Variants in SYT1 observed in about 807,000 individuals in gnomAD.
SYT1 encodes the protein synaptotagmin-1.
Under a neutral mutation model 44.8 loss-of-function variants are expected in SYT1, and 8 were observed. The ratio of observed to expected loss-of-function variants is 0.18; its 90% CI spans 0.10 to 0.32. The LOEUF is 0.32. SYT1 is among the 10% of genes least tolerant of loss of function. SYT1 has a pLI of 1.00. For missense variants in SYT1, 286 were observed against 509.3 expected, an observed-to-expected ratio of 0.56 and a Z score of 4.22; for synonymous variants, 154 against 188.8, an observed-to-expected ratio of 0.82 and a Z score of 1.51.
chr12:79,120,884 G>A (rs191592057), intron 3 of SYT1, among the ~76,000 whole-genome samples: 78 of 151,376 alleles, frequency 5.2e-4, no homozygotes, highest in African/African-American at 1.7e-3. Flanking sequence ...AACCCAAGGT[G>A]CCTGACCTTG....
chr12:79,064,970 A>AAGAAAGAAAG (rs1555194754), intron 3 of SYT1, among the ~76,000 whole-genome samples: 7 of 150,624 alleles, frequency 4.6e-5, no homozygotes, highest in African/African-American at 1.7e-4. Context: ...GAAAGAAAGA[A>AAGAAAGAAAG]AGAAAGAAAG....
intron 1 of SYT1, among the ~76,000 whole-genome samples, chr12:78,903,751 G>A (rs1875799096): frequency 6.6e-6 from 1 of 151,884 alleles, no homozygotes. Flanking sequence ...ACAATATTCT[G>A]AATATTTAAT....
chr12:79,418,039 C>T (rs749401256), intron 9 of SYT1, among the ~76,000 whole-genome samples: 2 of 152,138 alleles, frequency 1.3e-5, no homozygotes, highest in African/African-American at 4.8e-5. Context: ...CTGATCTACA[C>T]AAAGCGTCCT....
chr12:79,398,690 A>G (rs1292151280), intron 9 of SYT1, among the ~76,000 whole-genome samples: 1 of 152,234 alleles, frequency 6.6e-6, no homozygotes, highest in Non-Finnish European at 1.5e-5. Context: ...AACAGTAGAC[A>G]TGTATCAAAA....
At chr12:79,419,910 TATTTTGTGC>T (rs1437280060) in intron 9 of SYT1, among the ~76,000 whole-genome samples, 1 of 152,150 alleles carries the variant, frequency 6.6e-6, no homozygotes, top group Middle Eastern at 3.2e-3. Context: ...TTACTGTATG[TATTTTGTGC>T]ATTTTCAAGC....
chr12:79,330,228 T>G (rs1297750133), intron 8 of SYT1, among the ~76,000 whole-genome samples: 4 of 152,210 alleles, frequency 2.6e-5, no homozygotes, highest in Admixed American at 2.0e-4. Context: ...GCCTGCTGTT[T>G]CCTGTGCATT....
intron 3 of SYT1, among the ~76,000 whole-genome samples, chr12:79,073,452 A>G (rs1202655506): frequency 2.0e-5 from 3 of 152,168 alleles, no homozygotes; most frequent in Admixed American, 6.6e-5. Context: ...GGTTAGGCGA[A>G]TTCGGAATGT....
chr12:79,050,184 T>C (rs1223650146), intron 3 of SYT1, among the ~76,000 whole-genome samples: 1 of 152,008 alleles, frequency 6.6e-6, no homozygotes, highest in African/African-American at 2.4e-5. Context: ...AACAATAAAG[T>C]AGGAAAAGTG....
chr12:79,296,050 A>G lies in SYT1; in HGVS notation c.475-19A>G. Reference sequence around the variant, plus strand: ...GTCCACTGATATTTATGTATGCTGTATTCTGTCATTTATTTCAGCTGCTGG... The same window carrying G: ...GTCCACTGATATTTATGTATGCTGTGTTCTGTCATTTATTTCAGCTGCTGG... On this transcript the variant is annotated intron_variant, in intron 6 of 10. Coordinates refer to ENST00000261205, the MANE Select transcript of SYT1 (RefSeq NM_005639.3). 6.2e-7 allele frequency: 1 copy of G among 1,603,582 alleles called. No individual in the cohort carries two copies. Among genetic ancestry groups the G allele is most frequent in the Non-Finnish European group, 8.5e-7 (1 of 1,176,016 alleles).
At position 79,057,402 on chromosome 12, in the gene SYT1, A is replaced by AC. The variant is rs538929598; in HGVS notation, c.-18+10048dup. Among the ~76,000 whole-genome samples, 582 of 151,112 alleles carry AC rather than the reference A, an allele frequency of 3.9e-3. 4 individuals carry two copies. Among genetic ancestry groups the AC allele is most frequent in the African/African-American group, 0.013 (517 of 41,038 alleles). On this transcript the variant is annotated intron_variant, in intron 3 of 10. Coordinates refer to ENST00000261205, the MANE Select transcript of SYT1 (RefSeq NM_005639.3). Reference sequence around the variant, plus strand: ...AATACATTGGTTTCTAACTCATATGACCCCCCCCAAATGATATTATACAAT... The same window carrying AC: ...AATACATTGGTTTCTAACTCATATGACCCCCCCCCAAATGATATTATACAAT...
chr12:79,078,798 A>C (rs1396568502), intron 3 of SYT1, among the ~76,000 whole-genome samples: 1 of 152,170 alleles, frequency 6.6e-6, no homozygotes, highest in Admixed American at 6.6e-5. Flanking sequence ...GTATACACAC[A>C]CACAGAAAGA....
At chr12:79,336,188 T>C (rs560300071) in intron 8 of SYT1, among the ~76,000 whole-genome samples, 2 of 152,322 alleles carry the variant, frequency 1.3e-5, no homozygotes, top group South Asian at 4.1e-4. Context: ...ACTGCAAATA[T>C]GTCTCCTGGG....
intron 9 of SYT1, among the ~76,000 whole-genome samples, chr12:79,371,979 TTG>T (rs1368978941): frequency 1.3e-5 from 2 of 152,226 alleles, no homozygotes; most frequent in African/African-American, 4.8e-5. Context: ...TCACTGACTG[TTG>T]TGTTTCTTCA....
Position 79,119,407 on chromosome 12 carries a change from G to A in SYT1, c.-18+72045G>A, listed in dbSNP as rs547547872. Among the ~76,000 whole-genome samples the A allele has an allele frequency of 4.5e-4, 69 of 151,926 alleles. 1 individual carries two copies. Among genetic ancestry groups the A allele is most frequent in the Non-Finnish European group, 2.8e-4 (19 of 67,964 alleles). ...ACGCTTTCTTCTATAAAACTTTACC[G>A]CTCTTCAGTTTTTTGACCCCTGACT... On this transcript the variant is annotated intron_variant, in intron 3 of 10. Transcript: ENST00000261205.
At chr12:79,231,591 C>T (rs1875871107) in intron 4 of SYT1, among the ~76,000 whole-genome samples, 1 of 151,962 alleles carries the variant, frequency 6.6e-6, no homozygotes, top group Non-Finnish European at 1.5e-5. Flanking sequence ...TCCATAAAAA[C>T]TCAGAAAAGA....
At chr12:79,049,309 C>A (rs1874297650) in intron 3 of SYT1, among the ~76,000 whole-genome samples, 1 of 151,810 alleles carries the variant, frequency 6.6e-6, no homozygotes, top group African/African-American at 2.4e-5. Flanking sequence ...TGTTCATTTG[C>A]AGTAATCTTA....
intron 4 of SYT1, among the ~76,000 whole-genome samples, chr12:79,225,028 G>A (rs1017055389): frequency 4.0e-5 from 6 of 151,532 alleles, no homozygotes; most frequent in East Asian, 3.9e-4. Context: ...TGATCTGCCT[G>A]CCTTGGCCTC....
At chr12:79,037,564 C>T (rs770655358) in intron 2 of SYT1, among the ~76,000 whole-genome samples, 6 of 151,762 alleles carry the variant, frequency 4.0e-5, no homozygotes, top group Middle Eastern at 3.4e-3. Flanking sequence ...ATAATGAGAG[C>T]GGGCTTGTAG....
At chr12:79,238,920 C>T (rs1876344394) in intron 4 of SYT1, among the ~76,000 whole-genome samples, 1 of 152,210 alleles carries the variant, frequency 6.6e-6, no homozygotes, top group Non-Finnish European at 1.5e-5. Flanking sequence ...TCCCCTGCTT[C>T]TTTGATCAGA....
Sources: allele counts gnomAD v4.1 joint callset (sites outside exome capture counted in the v4.1 genomes callset), GRCh38; gene constraint gnomAD v4.1.1; transcripts MANE v1.5; gene names NCBI Gene and HGNC (gene_info 2026-07-23, HGNC 2026-07-21).